Variants in FGD4 observed in about 807,000 individuals in gnomAD.
FGD4 encodes FYVE, RhoGEF and PH domain-containing protein 4.
FGD4 carries 42 observed loss-of-function variants against 102.0 expected under a neutral mutation model. The observed-to-expected ratio is 0.41, with a 90% confidence interval of 0.32 to 0.53. The LOEUF (loss-of-function observed/expected upper bound fraction) is 0.53. Ranked by LOEUF, FGD4 falls within the 20% of genes least tolerant of loss-of-function variation. The pLI is 0.21. For synonymous variants in FGD4, 380 were observed against 375.7 expected, an observed-to-expected ratio of 1.01 and a Z score of -0.13; for missense variants, 902 against 1,078.2, an observed-to-expected ratio of 0.84 and a Z score of 2.29.
chr12:32,635,424 A>G (rs1450744565), intron 15 of FGD4, among the ~76,000 whole-genome samples: 1 of 152,254 alleles, frequency 6.6e-6, no homozygotes, highest in Non-Finnish European at 1.5e-5. Context: ...TTATTAGGTC[A>G]ACTCATATAA....
rs60760923 is a variant in FGD4, at chr12:32,451,834, C to CAAAAAAAAAAAA, written c.166+51894_166+51905dup. 7.9e-4 allele frequency among the ~76,000 whole-genome samples: 19 copies of CAAAAAAAAAAAA among 24,152 alleles called. 2 individuals are homozygous for CAAAAAAAAAAAA. Among genetic ancestry groups the CAAAAAAAAAAAA allele is most frequent in the Admixed American group, 1.7e-3 (2 of 1,182 alleles). 15.8% of individuals were successfully genotyped at this position (24,152 alleles called of 152,430 possible). On this transcript the variant is annotated intron_variant, in intron 1 of 16. Coordinates refer to ENST00000534526, the MANE Select transcript of FGD4 (RefSeq NM_001370298.3). The stretch of plus-strand genomic sequence containing the variant: ...GGGCAACAAAAGCGAAACTCCATCT[C>CAAAAAAAAAAAA]AAAAAAAAAAAAAAAAAAAAAAAAA...
In FGD4 at chr12:32,478,577, A is replaced by G. The variant is rs572704101; in HGVS notation, c.166+78618A>G. 2.6e-5 allele frequency among the ~76,000 whole-genome samples: 4 copies of G among 152,252 alleles called. No individual in the cohort carries two copies. The Middle Eastern group carries it at 0.014, about 518-fold the overall frequency. On this transcript the variant is annotated intron_variant, in intron 1 of 16. Transcript: ENST00000534526. ...CGTTGTGCCTGGCTTCTTGTTAAGT[A>G]TTGAAATAACTTGAATATTTTTCTT...
rs11052109 is a variant in FGD4 at position 32,623,360 on chromosome 12, A to T, written c.1923-1062A>T. Among the ~76,000 whole-genome samples, 886 of 151,290 alleles carry T rather than the reference A, an allele frequency of 5.9e-3. 7 individuals are homozygous for T. The highest frequency in any genetic ancestry group is 0.034 in the East Asian group (175 of 5,160). On this transcript the variant is annotated intron_variant, in intron 11 of 16. Transcript: ENST00000534526. ...AGGAGAGTTTTTTAATTTAAAAAAAATTTTTTTTTTATTTTGAGAAGCAAG... is the reference window on the plus strand; with the variant it reads ...AGGAGAGTTTTTTAATTTAAAAAAATTTTTTTTTTTATTTTGAGAAGCAAG...
chr12:32,447,914 A>AT (rs1372238021), intron 1 of FGD4, among the ~76,000 whole-genome samples: 2 of 152,072 alleles, frequency 1.3e-5, no homozygotes, highest in East Asian at 1.9e-4. Context: ...AAGTACACCT[A>AT]TTTTTTCTGT....
intron 1 of FGD4, among the ~76,000 whole-genome samples, chr12:32,477,635 T>C (rs1943615487): frequency 6.6e-6 from 1 of 152,182 alleles, no homozygotes; most frequent in South Asian, 2.1e-4. Flanking sequence ...CAGTGAACGG[T>C]GTATTTTTTT....
At chr12:32,600,580 CTTTCTTTCTTTCTTTT>C (rs544527786) in intron 5 of FGD4, 7,006 of 266,156 alleles carry the variant, frequency 0.026, 217 homozygotes, top group South Asian at 0.1. Flanking sequence ...TTCTTTCTTT[CTTTCTTTCTTTCTTTT>C]TTTTTTTTTT....
intron 11 of FGD4, among the ~76,000 whole-genome samples, 158 bp from the exon 12 acceptor site, chr12:32,624,264 T>C (rs1220481335): frequency 1.3e-5 from 2 of 152,216 alleles, no homozygotes; most frequent in Non-Finnish European, 2.9e-5. Flanking sequence ...AAGAAGAATT[T>C]TATTTGTTTA....
At chr12:32,409,291 CTT>C (rs34814176) in intron 1 of FGD4, among the ~76,000 whole-genome samples, 59,839 of 131,584 alleles carry the variant, frequency 0.45, 13,858 homozygotes, top group African/African-American at 0.64. Flanking sequence ...TCTTTTTTTT[CTT>C]TTTTTTTTTT....
At chr12:32,520,987 TTCC>T (rs1940480653) in intron 1 of FGD4, among the ~76,000 whole-genome samples, 1 of 152,074 alleles carries the variant, frequency 6.6e-6, no homozygotes, top group African/African-American at 2.4e-5. Flanking sequence ...CTCCCTTTGG[TTCC>T]TCGAGAAGGA....
intron 7 of FGD4, among the ~76,000 whole-genome samples, chr12:32,603,933 G>A (rs1948603587): frequency 6.6e-6 from 1 of 152,118 alleles, no homozygotes; most frequent in African/African-American, 2.4e-5. Context: ...TGAACACCTA[G>A]ACTCAGCCTC....
intron 1 of FGD4, among the ~76,000 whole-genome samples, chr12:32,514,229 G>A (rs552278759): frequency 6.6e-5 from 10 of 152,308 alleles, no homozygotes; most frequent in African/African-American, 2.2e-4. Context: ...TTTGTTTAGT[G>A]ATAGACATTT....
At chr12:32,417,982 A>G (rs1941487050) in intron 1 of FGD4, among the ~76,000 whole-genome samples, 2 of 123,226 alleles carry the variant, frequency 1.6e-5, no homozygotes, top group Non-Finnish European at 3.2e-5. Flanking sequence ...TTTGAGACAG[A>G]GTCTCGCTCT....
At chr12:32,605,947 T>C (rs964608071) in intron 7 of FGD4, among the ~76,000 whole-genome samples, 1 of 152,236 alleles carries the variant, frequency 6.6e-6, no homozygotes, top group African/African-American at 2.4e-5. Flanking sequence ...ATCTGTACAA[T>C]GTCTGTCTTC....
chr12:32,489,866 T>C (rs933908492), intron 1 of FGD4, among the ~76,000 whole-genome samples: 3 of 152,222 alleles, frequency 2.0e-5, no homozygotes, highest in South Asian at 4.1e-4. Context: ...TTGAGTTGTC[T>C]GAGTTCTTCA....
intron 1 of FGD4, among the ~76,000 whole-genome samples, chr12:32,423,459 G>C (rs569367320): frequency 1.2e-4 from 18 of 151,816 alleles, no homozygotes; most frequent in African/African-American, 4.3e-4. Flanking sequence ...GGGCGTGGTG[G>C]CAGGCGCCTG....
chr12:32,594,096 A>G (rs923121784), intron 4 of FGD4, among the ~76,000 whole-genome samples: 5 of 152,120 alleles, frequency 3.3e-5, no homozygotes, highest in African/African-American at 1.2e-4. Flanking sequence ...TGGTTATATC[A>G]GAGGTCCTCA....
At chr12:32,423,058 C>CT (rs1248587069) in intron 1 of FGD4, among the ~76,000 whole-genome samples, 1 of 152,090 alleles carries the variant, frequency 6.6e-6, no homozygotes, top group Non-Finnish European at 1.5e-5. Flanking sequence ...TCTTATTGCC[C>CT]TTTTTTTAAT....
intron 1 of FGD4, among the ~76,000 whole-genome samples, chr12:32,408,296 G>A (rs1000747487): frequency 6.6e-6 from 1 of 151,872 alleles, no homozygotes; most frequent in Admixed American, 6.6e-5. Flanking sequence ...AGCCTCCCGA[G>A]TAGCTGGGAT....
intron 1 of FGD4, among the ~76,000 whole-genome samples, chr12:32,427,689 A>G (rs1030680092): frequency 1.1e-4 from 17 of 152,070 alleles, no homozygotes; most frequent in African/African-American, 3.9e-4. Flanking sequence ...ATTATTGTGT[A>G]GGAGTCTAAG....
Sources: allele counts gnomAD v4.1 joint callset (sites outside exome capture counted in the v4.1 genomes callset), GRCh38; gene constraint gnomAD v4.1.1; transcripts MANE v1.5; gene names NCBI Gene and HGNC (gene_info 2026-07-23, HGNC 2026-07-21).